The following PLCG1 variants were observed in gnomAD, a reference collection of about 807,000 sequenced individuals.
The protein encoded by PLCG1 is phospholipase C gamma 1, also known as 1-phosphatidylinositol 4,5-bisphosphate phosphodiesterase gamma-1.
PLCG1 carries 71 observed loss-of-function variants against 177.8 expected under a neutral mutation model. The observed-to-expected ratio is 0.40, with a 90% CI of 0.33 to 0.49. The LOEUF (loss-of-function observed/expected upper bound fraction) is 0.49. Ranked by LOEUF, PLCG1 falls within the 20% of genes least tolerant of loss-of-function variation. PLCG1 has a pLI of 0.72. For synonymous variants in PLCG1, 658 were observed against 647.9 expected (o/e 1.02, Z -0.24); for missense variants, 1,281 against 1,709.0 (o/e 0.75, Z 4.42).
chr20:41,166,111 T>G lies in PLCG1; in HGVS notation c.1800-83T>G. 1 of 1,255,440 alleles carries G rather than the reference T, an allele frequency of 8.0e-7. No homozygotes were observed. Among genetic ancestry groups the G allele is most frequent in the Middle Eastern group, 1.9e-4 (1 of 5,288 alleles). The allele number at this position is 1,255,440 out of a possible 1,614,324, so 77.8% of individuals were successfully genotyped here. A position where few individuals can be genotyped will look rare whatever the true frequency, so the allele number is the denominator to read the frequency against. On this transcript the variant is annotated intron_variant, in intron 16 of 31. Transcript: ENST00000685551. This position sits in a 1 kb window ranked among gnomAD's most constrained non-coding sequence, Gnocchi z 8.6. ...CCCTCCTTGAGGCTCCCTCCTTGAG[T>G]TCCACCCTCATTTGGGGTGGAACTT...
chr20:41,155,793 C>T (rs187561538), intron 1 of PLCG1, among the ~76,000 whole-genome samples: 1 of 152,278 alleles, frequency 6.6e-6, no homozygotes, highest in Admixed American at 6.5e-5. Context: ...CCAGACTTCT[C>T]TATTACCAGC....
Position 41,165,973 on chromosome 20 carries a change from C to A in PLCG1, c.1799+147C>A, listed in dbSNP as rs1332464153. 1.4e-6 allele frequency: 1 copy of A among 714,778 alleles called. No homozygotes were observed. The highest frequency in any genetic ancestry group is 2.7e-5 in the East Asian group (1 of 36,778). The allele number at this position is 714,778 out of a possible 1,614,324, so 44.3% of individuals were successfully genotyped here. A position where few individuals can be genotyped will look rare whatever the true frequency, so the allele number is the denominator to read the frequency against. On this transcript the variant is annotated intron_variant, in intron 16 of 31. Transcript: ENST00000685551. The surrounding 1 kb of genome is among the most constrained non-coding windows in gnomAD (Gnocchi z 6.6). Reference sequence around the variant, plus strand: ...GAACATAATTTCACCTACATACACACACACACTCTCTGTCTCACCCCCCCC... The same window carrying A: ...GAACATAATTTCACCTACATACACAAACACACTCTCTGTCTCACCCCCCCC...
rs1196019361 is a variant in PLCG1 at position 41,147,808 on chromosome 20, A to G, written c.217+9950A>G. Reference sequence around the variant, plus strand: ...GGTTGCAGTGAGCCAAGATCGCGCCATTGCACTCCAGCCTGGGTGACAGAG... The same window carrying G: ...GGTTGCAGTGAGCCAAGATCGCGCCGTTGCACTCCAGCCTGGGTGACAGAG... On this transcript the variant is annotated intron_variant, in intron 1 of 31. Transcript: ENST00000685551. This position sits in a 1 kb window ranked among gnomAD's most constrained non-coding sequence, Gnocchi z 4.0. Among the ~76,000 whole-genome samples, 1 of 151,910 alleles carries G rather than the reference A, an allele frequency of 6.6e-6. No individual in the cohort carries two copies. The highest frequency in any genetic ancestry group is 1.5e-5 in the Non-Finnish European group (1 of 67,988).
chr20:41,151,274 CAG>C lies in PLCG1; in HGVS notation c.218-8329_218-8328del, dbSNP rs1296434052. Among the ~76,000 whole-genome samples, 1 of 152,194 alleles carries C rather than the reference CAG, an allele frequency of 6.6e-6. No homozygotes were observed. Among genetic ancestry groups the C allele is most frequent in the East Asian group, 1.9e-4 (1 of 5,190 alleles). On this transcript the variant is annotated intron_variant, in intron 1 of 31. Transcript: ENST00000685551. The surrounding 1 kb of genome is among the most constrained non-coding windows in gnomAD (Gnocchi z 5.5). ...GATAGCAGCTGCTGTGGGGACACTG[CAG>C]AGTGTCCCAGTTCTGCCATGACTCA...
rs34121619 is a variant in PLCG1, at chr20:41,148,685, C to G, written c.217+10827C>G. Reference sequence around the variant, plus strand: ...TGCAGTCTCTCAAGGAGTTTACGCTCTAGTGGAGAAAACAATCAGACAGCC... The same window carrying G: ...TGCAGTCTCTCAAGGAGTTTACGCTGTAGTGGAGAAAACAATCAGACAGCC... On this transcript the variant is annotated intron_variant, in intron 1 of 31. Transcript: ENST00000685551. The surrounding 1 kb of genome is among the most constrained non-coding windows in gnomAD (Gnocchi z 4.3). 2.1e-3 allele frequency among the ~76,000 whole-genome samples: 327 copies of G among 152,292 alleles called. No homozygotes were observed. The highest frequency in any genetic ancestry group is 3.6e-3 in the Non-Finnish European group (242 of 68,018).
rs1404317161 is a variant in PLCG1, at chr20:41,160,588, A to G, written c.512+435A>G. Among the ~76,000 whole-genome samples the G allele has an allele frequency of 2.6e-5, 4 of 152,218 alleles. No individual in the cohort carries two copies. The East Asian group carries it at 5.8e-4, about 22-fold the overall frequency. On this transcript the variant is annotated intron_variant, in intron 4 of 31. Coordinates refer to ENST00000685551, the MANE Select transcript of PLCG1 (RefSeq NM_002660.3). This position sits in a 1 kb window ranked among gnomAD's most constrained non-coding sequence, Gnocchi z 5.5. ...TTTGACCTGAAAGAAATGGGAAGCC[A>G]TGGAAGGGTTCTGAGGAGAGGAGTG... is the stretch of plus-strand genomic sequence containing the variant.
chr20:41,171,173 A>C (rs1012809954), intron 24 of PLCG1, among the ~76,000 whole-genome samples: 3 of 152,220 alleles, frequency 2.0e-5, no homozygotes, highest in Non-Finnish European at 4.4e-5. Context: ...CCCGCAAGCC[A>C]AATAGAGAAG....
At position 41,163,129 on chromosome 20, in the gene PLCG1, G is replaced by A; in HGVS notation, c.717-74G>A. 1 of 1,504,296 alleles carries A rather than the reference G, an allele frequency of 6.6e-7. No individual in the cohort carries two copies. The highest frequency in any genetic ancestry group is 9.2e-7 in the Non-Finnish European group (1 of 1,092,712). 93.2% of individuals were successfully genotyped at this position (1,504,296 alleles called of 1,614,324 possible). On this transcript the variant is annotated intron_variant, in intron 7 of 31. Coordinates refer to ENST00000685551, the MANE Select transcript of PLCG1 (RefSeq NM_002660.3). This position sits in a 1 kb window ranked among gnomAD's most constrained non-coding sequence, Gnocchi z 5.2. Reference sequence around the variant, plus strand: ...TTCTGGGAAGCTGTGCTGGCTGGGAGTTGGGTTCTGCCTTCCGTGGGGCAC... The same window carrying A: ...TTCTGGGAAGCTGTGCTGGCTGGGAATTGGGTTCTGCCTTCCGTGGGGCAC...
chr20:41,167,844 G>T lies in PLCG1; in HGVS notation c.2302-8G>T, dbSNP rs1304107957. On this transcript the variant is annotated splice_polypyrimidine_tract_variant and splice_region_variant and intron_variant, in intron 19 of 31. Transcript: ENST00000685551. This position sits in a 1 kb window ranked among gnomAD's most constrained non-coding sequence, Gnocchi z 4.4. Reference sequence around the variant, plus strand: ...GCATTAACATATCCCATTGTGTCCTGTTTCCAGGAGCCTGACTACGGGGCC... The same window carrying T: ...GCATTAACATATCCCATTGTGTCCTTTTTCCAGGAGCCTGACTACGGGGCC... 2 of 1,609,074 alleles carry T rather than the reference G, an allele frequency of 1.2e-6. No individual in the cohort carries two copies. The highest frequency in any genetic ancestry group is 1.7e-6 in the Non-Finnish European group (2 of 1,175,566).
intron 1 of PLCG1, among the ~76,000 whole-genome samples, chr20:41,149,478 A>G (rs2035098437): frequency 6.6e-6 from 1 of 152,214 alleles, no homozygotes; most frequent in African/African-American, 2.4e-5. Context: ...CCCAGGGGGT[A>G]TGGCAAGAGG....
chr20:41,138,531 CTATG>C (rs957642370), intron 1 of PLCG1, among the ~76,000 whole-genome samples: 7 of 150,352 alleles, frequency 4.7e-5, no homozygotes, highest in African/African-American at 1.5e-4. Flanking sequence ...TTTTGGAGGC[CTATG>C]TGGGTGGGCA....
Position 41,172,709 on chromosome 20 carries a change from C to T in PLCG1, c.3131-20C>T, listed in dbSNP as rs1293031669. ...TGTGGGGCAGCTGGACTGGAATACA[C>T]CATAATCTGCCTCTTCCAGACAAGC... On this transcript the variant is annotated intron_variant, in intron 26 of 31. Transcript: ENST00000685551. This position sits in a 1 kb window ranked among gnomAD's most constrained non-coding sequence, Gnocchi z 7.0. 2 of 1,613,346 alleles carry T rather than the reference C, an allele frequency of 1.2e-6. No individual in the cohort carries two copies. The highest frequency in any genetic ancestry group is 1.7e-6 in the Non-Finnish European group (2 of 1,179,502).
At position 41,172,488 on chromosome 20, in the gene PLCG1, C is replaced by A. The variant is rs33943601; in HGVS notation, c.2973C>A (p.Tyr991Ter). 1 of 1,614,166 alleles carries A rather than the reference C, an allele frequency of 6.2e-7. No individual in the cohort carries two copies. The change falls in exon 26 of 32, where the codon TAC (tyrosine) becomes TAA (stop). Residue 991 changes from tyrosine to a stop codon, truncating the protein, a stop_gained. Transcript: ENST00000685551. LOFTEE classifies it high-confidence loss of function. The surrounding 1 kb of genome is among the most constrained non-coding windows in gnomAD (Gnocchi z 7.0). ...SSFPETKAEK[Y>*]VNKAKGKKFL... ...TCCCGGAAACCAAGGCTGAGAAATA[C>A]GTGAACAAGGCCAAAGGCAAGAAGT...
rs1452378735 is a variant in PLCG1, at chr20:41,156,472, C to T, written c.218-3134C>T. The stretch of plus-strand genomic sequence containing the variant: ...GGTCAAGGCGAGCCTGGGCATTAGG[C>T]CTTTGTCATTATGCTATACATCAGG... On this transcript the variant is annotated intron_variant, in intron 1 of 31. Transcript: ENST00000685551. The surrounding 1 kb of genome is among the most constrained non-coding windows in gnomAD (Gnocchi z 5.0). Among the ~76,000 whole-genome samples, 1 of 152,156 alleles carries T rather than the reference C, an allele frequency of 6.6e-6. No homozygotes were observed. The highest frequency in any genetic ancestry group is 1.5e-5 in the Non-Finnish European group (1 of 68,020).
Position 41,166,008 on chromosome 20 carries a change from T to G in PLCG1, c.1799+182T>G. On this transcript the variant is annotated intron_variant, in intron 16 of 31. Transcript: ENST00000685551. This position sits in a 1 kb window ranked among gnomAD's most constrained non-coding sequence, Gnocchi z 8.6. ...CTGTCTCACCCCCCCCCCATACCCC[T>G]CCCTTTTCGGTTCATTTGAAGCCCA... 1.9e-5 allele frequency: 7 copies of G among 364,808 alleles called. No individual in the cohort carries two copies. Among genetic ancestry groups the G allele is most frequent in the African/African-American group, 3.0e-5 (1 of 33,110 alleles). The allele number at this position is 364,808 out of a possible 1,614,324, so 22.6% of individuals were successfully genotyped here.
chr20:41,166,917 T>C lies in PLCG1; in HGVS notation c.2301+58T>C. On this transcript the variant is annotated intron_variant, in intron 19 of 31. Transcript: ENST00000685551. This position sits in a 1 kb window ranked among gnomAD's most constrained non-coding sequence, Gnocchi z 8.6. ...GGGAGGCAGGAGAGACCCAGAATCTTACCAGTCTCTGGATGTGTGTAACAG... is the reference window on the plus strand; with the variant it reads ...GGGAGGCAGGAGAGACCCAGAATCTCACCAGTCTCTGGATGTGTGTAACAG... The C allele has an allele frequency of 3.3e-6, 5 of 1,495,424 alleles. No individual in the cohort carries two copies. The highest frequency in any genetic ancestry group is 4.6e-6 in the Non-Finnish European group (5 of 1,076,042). 92.6% of individuals were successfully genotyped at this position (1,495,424 alleles called of 1,614,324 possible).
Position 41,167,964 on chromosome 20 carries a change from G to A in PLCG1, c.2379+35G>A. 6.9e-7 allele frequency: 1 copy of A among 1,438,916 alleles called. No individual in the cohort carries two copies. Among genetic ancestry groups the A allele is most frequent in the Non-Finnish European group, 9.8e-7 (1 of 1,020,978 alleles). The allele number at this position is 1,438,916 out of a possible 1,614,324, so 89.1% of individuals were successfully genotyped here. ...AGGCCTCTGGGCATAGGAAGCTGGG[G>A]AGGGTCCCCAGCTGCTTGGGGCTTC... On this transcript the variant is annotated intron_variant, in intron 20 of 31. Transcript: ENST00000685551. The surrounding 1 kb of genome is among the most constrained non-coding windows in gnomAD (Gnocchi z 4.4).
chr20:41,156,048 C>G lies in PLCG1; in HGVS notation c.218-3558C>G, dbSNP rs992585425. ...CAAGGCCCCAGGATTCTGCCTGGGG[C>G]ACCAGGAAGCCTGGCTTATGAGAAG... On this transcript the variant is annotated intron_variant, in intron 1 of 31. Coordinates refer to ENST00000685551, the MANE Select transcript of PLCG1 (RefSeq NM_002660.3). The surrounding 1 kb of genome is among the most constrained non-coding windows in gnomAD (Gnocchi z 5.0). Among the ~76,000 whole-genome samples, 9 of 152,148 alleles carry G rather than the reference C, an allele frequency of 5.9e-5. No homozygotes were observed. Among genetic ancestry groups the G allele is most frequent in the African/African-American group, 2.2e-4 (9 of 41,440 alleles).
chr20:41,174,325 A>G lies in PLCG1; in HGVS notation c.3833+14A>G. On this transcript the variant is annotated intron_variant, in intron 31 of 31. Transcript: ENST00000685551. The surrounding 1 kb of genome is among the most constrained non-coding windows in gnomAD (Gnocchi z 5.8). Reference sequence around the variant, plus strand: ...TCGAGAACGAAGGTGAGGAAGATGGAGGGGTGCTAGAGCCAGGAAGGCAGT... The same window carrying G: ...TCGAGAACGAAGGTGAGGAAGATGGGGGGGTGCTAGAGCCAGGAAGGCAGT... 6.2e-7 allele frequency: 1 copy of G among 1,611,704 alleles called. No individual in the cohort carries two copies. The highest frequency in any genetic ancestry group is 8.5e-7 in the Non-Finnish European group (1 of 1,177,866).
Sources: gnomAD v4.1 joint callset for allele counts (sites outside exome capture counted in the v4.1 genomes callset) on GRCh38, gnomAD v4.1.1 for gene constraint, Gnocchi (gnomAD v3.1) non-coding constraint, MANE v1.5 for transcripts, NCBI Gene and HGNC (gene_info 2026-07-23, HGNC 2026-07-21) for gene names.